PLXNC1: variants seen among roughly 807,000 people sequenced by gnomAD.
PLXNC1 encodes the protein plexin C1.
PLXNC1 carries 75 observed loss-of-function variants against 178.2 expected under a neutral mutation model. The observed-to-expected ratio is 0.42, with a 90% CI of 0.35 to 0.51. The LOEUF (loss-of-function observed/expected upper bound fraction) is 0.51, where lower values mean the gene tolerates loss of function less well. Among genes scored for constraint, PLXNC1 ranks in the 20% least tolerant of loss-of-function variants. The pLI is 0.02. For synonymous variants in PLXNC1, 790 were observed against 779.9 expected (o/e 1.01, Z -0.22); for missense variants, 1,503 against 1,984.4 (o/e 0.76, Z 4.61).
intron 9 of PLXNC1, among the ~76,000 whole-genome samples, chr12:94,233,188 A>C (rs370815029): frequency 3.5e-4 from 53 of 152,322 alleles, no homozygotes; most frequent in African/African-American, 1.2e-3. Context: ...GGAAGGAGTC[A>C]GACCCAGACA....
chr12:94,213,399 A>G (rs1475668114), intron 5 of PLXNC1, among the ~76,000 whole-genome samples: 1 of 152,190 alleles, frequency 6.6e-6, no homozygotes. Context: ...TTCTTTAATG[A>G]CCAGTGATGA....
intron 11 of PLXNC1, among the ~76,000 whole-genome samples, chr12:94,242,667 C>A (rs149347715): frequency 0.013 from 2,051 of 152,210 alleles, 50 homozygotes; most frequent in African/African-American, 0.048. Flanking sequence ...AATTTCAAAA[C>A]CAAGGCTCTA....
chr12:94,156,421 A>G (rs1961166941), intron 1 of PLXNC1, among the ~76,000 whole-genome samples: 1 of 150,748 alleles, frequency 6.6e-6, no homozygotes, highest in Non-Finnish European at 1.5e-5. Context: ...TTCCTCAAAC[A>G]TCTACTCCCT....
chr12:94,199,398 T>C lies in PLXNC1; in HGVS notation c.1440-10192T>C, dbSNP rs536621837. Among the ~76,000 whole-genome samples the C allele has an allele frequency of 2.0e-4, 31 of 152,280 alleles. No homozygotes were observed. In the East Asian group the frequency reaches 5.4e-3, roughly 27 times the overall value. On this transcript the variant is annotated intron_variant, in intron 4 of 30. Coordinates refer to ENST00000258526, the MANE Select transcript of PLXNC1 (RefSeq NM_005761.3). ...CCCTCCTTCTCGTGTGAGGACCCCA[T>C]TGTGCCGACTAATTGTGTAGAAGCA...
chr12:94,215,546 C>A (rs1963619182), intron 5 of PLXNC1, among the ~76,000 whole-genome samples: 1 of 127,920 alleles, frequency 7.8e-6, no homozygotes. Context: ...CATTAGATTG[C>A]AAACATAGAT....
chr12:94,152,750 C>G (rs1261078246), intron 1 of PLXNC1, among the ~76,000 whole-genome samples: 2 of 152,206 alleles, frequency 1.3e-5, no homozygotes, highest in Non-Finnish European at 2.9e-5. Flanking sequence ...CTCTTATTTT[C>G]CGTCTTCAAT....
intron 2 of PLXNC1, among the ~76,000 whole-genome samples, chr12:94,180,892 C>G (rs935648456): frequency 2.0e-5 from 3 of 152,160 alleles, no homozygotes; most frequent in Non-Finnish European, 4.4e-5. Flanking sequence ...GGATACTACC[C>G]CAGCCCTGAA....
intron 4 of PLXNC1, among the ~76,000 whole-genome samples, chr12:94,208,190 G>T (rs889593965): frequency 6.6e-6 from 1 of 152,222 alleles, no homozygotes; most frequent in African/African-American, 2.4e-5. Context: ...AATTGCCGAT[G>T]AAAATCCCCA....
At chr12:94,206,490 A>AT (rs35705217) in intron 4 of PLXNC1, among the ~76,000 whole-genome samples, 217 of 144,592 alleles carry the variant, frequency 1.5e-3, no homozygotes, top group Admixed American at 4.5e-3. Flanking sequence ...GGTTTGGGGG[A>AT]TTTTTTTTTT....
intron 4 of PLXNC1, among the ~76,000 whole-genome samples, chr12:94,189,874 T>C (rs1053130136): frequency 1.2e-4 from 18 of 152,014 alleles, no homozygotes; most frequent in African/African-American, 4.4e-4. Context: ...CCATCATCTG[T>C]GTGGAAATCG....
intron 15 of PLXNC1, among the ~76,000 whole-genome samples, chr12:94,252,718 C>T (rs966084512): frequency 1.4e-4 from 22 of 152,306 alleles, no homozygotes; most frequent in African/African-American, 4.8e-4. Context: ...GTAGCAGCTA[C>T]GCCCTAGAGA....
In PLXNC1 at chr12:94,303,855, T is replaced by A. The variant is rs773809246; in HGVS notation, c.4486T>A (p.Ser1496Thr). 3.1e-6 allele frequency: 5 copies of A among 1,608,952 alleles called. No individual in the cohort carries two copies. The highest frequency in any genetic ancestry group is 4.2e-6 in the Non-Finnish European group (5 of 1,177,108). The change falls in exon 29 of 31, where the codon TCA becomes ACA. Residue 1496 changes from serine to threonine, a missense_variant. By Grantham distance (58) the Ser-to-Thr change is moderately conservative (BLOSUM62 1). Around this residue, in one of 4 missense-constraint regions of PLXNC1, gnomAD observed 639 missense variants for 979.7 expected, o/e 0.65. Coordinates refer to ENST00000258526, the MANE Select transcript of PLXNC1 (RefSeq NM_005761.3). ...YKAIRDLPPL[S>T]SSEMEEFLTQ... is the part of the protein sequence containing the mutation. ...AGCAATCAGGGATTTGCCTCCATTGTCATCCTCAGAAATGGAAGAATTTTT... is the reference window on the plus strand; with the variant it reads ...AGCAATCAGGGATTTGCCTCCATTGACATCCTCAGAAATGGAAGAATTTTT...
Position 94,186,593 on chromosome 12 carries a change from G to C in PLXNC1, c.1439+120G>C, listed in dbSNP as rs1032121616. 3 of 670,414 alleles carry C rather than the reference G, an allele frequency of 4.5e-6. No homozygotes were observed. The Admixed American group carries it at 6.7e-5, about 15-fold the overall frequency. 41.5% of individuals were successfully genotyped at this position (670,414 alleles called of 1,614,324 possible). On this transcript the variant is annotated intron_variant, in intron 4 of 30. Coordinates refer to ENST00000258526, the MANE Select transcript of PLXNC1 (RefSeq NM_005761.3). ...ACCTGAGGGAACTGATCTCTTCCTC[G>C]ACTAAAATCTTGTTGTGCAATCCTA...
Position 94,295,579 on chromosome 12 carries a change from G to A in PLXNC1, c.3934+1039G>A, listed in dbSNP as rs182635815. On this transcript the variant is annotated intron_variant, in intron 24 of 30. Transcript: ENST00000258526. The stretch of plus-strand genomic sequence containing the variant: ...CCATTCACTGCAACTGAGAGCCACC[G>A]TCTTACACCCTGCTAATACTCTAAA... Among the ~76,000 whole-genome samples, 48 of 152,164 alleles carry A rather than the reference G, an allele frequency of 3.2e-4. No homozygotes were observed. In the East Asian group the frequency reaches 7.9e-3, roughly 25 times the overall value.
At chr12:94,170,099 C>G (rs1260891985) in intron 2 of PLXNC1, among the ~76,000 whole-genome samples, 1 of 152,202 alleles carries the variant, frequency 6.6e-6, no homozygotes, top group Non-Finnish European at 1.5e-5. Flanking sequence ...GATTCCTTGG[C>G]TTCTCTGCAG....
intron 23 of PLXNC1, among the ~76,000 whole-genome samples, chr12:94,286,831 CAG>C (rs930317005): frequency 7.9e-5 from 12 of 152,098 alleles, no homozygotes; most frequent in Non-Finnish European, 1.2e-4. Context: ...TTAGGGCAAA[CAG>C]AGTGTAGCTG....
At chr12:94,200,861 A>G (rs10859685) in intron 4 of PLXNC1, among the ~76,000 whole-genome samples, 72,317 of 152,100 alleles carry the variant, frequency 0.48, 18,618 homozygotes, top group East Asian at 0.63. Flanking sequence ...TGTGTTTTTT[A>G]TGTGCTAAAT....
chr12:94,194,011 C>G (rs1338269440), intron 4 of PLXNC1, among the ~76,000 whole-genome samples: 4 of 152,110 alleles, frequency 2.6e-5, no homozygotes, highest in African/African-American at 7.2e-5. Context: ...CATGGTTCTG[C>G]TGGCTGTACA....
chr12:94,200,520 A>G (rs946820426), intron 4 of PLXNC1, among the ~76,000 whole-genome samples: 1 of 152,110 alleles, frequency 6.6e-6, no homozygotes, highest in African/African-American at 2.4e-5. Flanking sequence ...GGGATTTGAT[A>G]TTGCTTTCAG....
Sources: gnomAD v4.1 joint callset for allele counts (sites outside exome capture counted in the v4.1 genomes callset) on GRCh38, gnomAD v4.1.1 for gene constraint, gnomAD v4.1.1 regional missense constraint, MANE v1.5 for transcripts, NCBI Gene and HGNC (gene_info 2026-07-23, HGNC 2026-07-21) for gene names.